SF3B2: variants seen among roughly 807,000 people sequenced by gnomAD.
SF3B2 encodes the protein SAP 145.
SF3B2 carries 22 observed loss-of-function variants against 116.3 expected under a neutral mutation model. That is an observed-to-expected ratio of 0.19 (90% confidence interval 0.14 to 0.27). The LOEUF (loss-of-function observed/expected upper bound fraction) is 0.27. Ranked by LOEUF, SF3B2 falls within the 10% of genes least tolerant of loss-of-function variation. The pLI is 1.00. For missense variants in SF3B2, 767 were observed against 1,151.4 expected (o/e 0.67, Z 4.83); for synonymous variants, 406 against 421.6 (o/e 0.96, Z 0.45).
intron 9 of SF3B2, 135 bp downstream of exon 9, chr11:66,058,540 T>C (rs1857043514): frequency 1.4e-5 from 10 of 694,348 alleles, no homozygotes; most frequent in South Asian, 9.3e-5. Flanking sequence ...CTTATAGATA[T>C]TTTTCATTTA....
intron 14 of SF3B2, 36 bp downstream of exon 14, chr11:66,060,767 T>C: frequency 6.2e-7 from 1 of 1,608,038 alleles, no homozygotes. Context: ...AGGCTGGGCC[T>C]TGGGGTTGAG....
rs1383709164 is a variant in SF3B2, at chr11:66,060,744, GC to G, written c.1779+14del. 1.2e-6 allele frequency: 2 copies of G among 1,613,826 alleles called. No homozygotes were observed. The highest frequency in any genetic ancestry group is 8.5e-7 in the Non-Finnish European group (1 of 1,179,786). On this transcript the variant is annotated intron_variant, in intron 14 of 21. Transcript: ENST00000322535. ...CCTGTACTATGAGGTTCGGGAGGGG[GC>G]TGGGAGAGGTCAGGCTGGGCCTTGG...
intron 5 of SF3B2, chr11:66,055,904 T>C (rs978673187): frequency 3.0e-6 from 1 of 330,458 alleles, no homozygotes; most frequent in Non-Finnish European, 5.5e-6. Flanking sequence ...TGACCTATTA[T>C]AAAAAGAGCC....
intron 9 of SF3B2, 83 bp downstream of exon 9, chr11:66,058,488 A>G: frequency 9.6e-7 from 1 of 1,046,024 alleles, no homozygotes; most frequent in East Asian, 2.4e-5. Context: ...AGTGTTCAGT[A>G]AGTAATAGCT....
At chr11:66,063,759 A>AG in intron 19 of SF3B2, 30 bp downstream of exon 19, 1 of 1,536,890 alleles carries the variant, frequency 6.5e-7, no homozygotes, top group East Asian at 2.3e-5. Flanking sequence ...CTGAGAGGGG[A>AG]GGACCTTCAC....
At position 66,060,668 on chromosome 11, in the gene SF3B2, T is replaced by C; in HGVS notation, c.1716T>C (p.His572=). ...TTGACATCGACTACCAGAAACTGCA[T>C]GATGCCTTCTTCAAGTGGCAGACCA... ...GKIDIDYQKL[H]DAFFKWQTKP... is the part of the protein sequence containing the mutation. The change falls in exon 14 of 22, where the codon CAT becomes CAC. Residue 572 remains histidine, a synonymous_variant. Transcript: ENST00000322535. 1 of 1,614,216 alleles carries C rather than the reference T, an allele frequency of 6.2e-7. No homozygotes were observed. Among genetic ancestry groups the C allele is most frequent in the Non-Finnish European group, 8.5e-7 (1 of 1,180,034 alleles).
intron 1 of SF3B2, 29 bp from the exon 2 acceptor site, chr11:66,052,643 GC>G: frequency 6.3e-7 from 1 of 1,597,822 alleles, no homozygotes; most frequent in Non-Finnish European, 8.5e-7. Context: ...GGGCTGGCCT[GC>G]CCCATTGATC....
chr11:66,057,343 C>A lies in SF3B2; in HGVS notation c.745C>A (p.Pro249Thr). ...AGCCCCTGTTCCCCGGCCTCGTGGT[C>A]CCCCACCGCCCCCTGGAGATGAGAA... ...MGAPVPRPRGPPPPPGDENRE... is the reference protein window; with the variant it reads ...MGAPVPRPRGTPPPPGDENRE... The change falls in exon 7 of 22, where the codon CCC (proline) becomes ACC (threonine). Residue 249 changes from proline (P) to threonine (T), a missense_variant. Pro to Thr is a conservative substitution (Grantham distance 38). Around this residue, in one of 4 missense-constraint regions of SF3B2, gnomAD observed 455 missense variants for 537.5 expected, o/e 0.85. Transcript: ENST00000322535. 1 of 1,525,910 alleles carries A rather than the reference C, an allele frequency of 6.6e-7. No homozygotes were observed. The highest frequency in any genetic ancestry group is 9.1e-7 in the Non-Finnish European group (1 of 1,099,242). The allele number at this position is 1,525,910 out of a possible 1,614,324, so 94.5% of individuals were successfully genotyped here. A position where few individuals can be genotyped will look rare whatever the true frequency, so the allele number is the denominator to read the frequency against.
Position 66,060,667 on chromosome 11 carries a change from A to T in SF3B2, c.1715A>T (p.His572Leu). Residue 572 changes from histidine to leucine, a missense_variant, in exon 14 of 22, where the codon CAT becomes CTT. By Grantham distance (99) the His-to-Leu change is moderately conservative. Transcript: ENST00000322535. ...GKIDIDYQKL[H>L]DAFFKWQTKP... ...ATTGACATCGACTACCAGAAACTGC[A>T]TGATGCCTTCTTCAAGTGGCAGACC... 6.2e-7 allele frequency: 1 copy of T among 1,614,248 alleles called. No homozygotes were observed. The highest frequency in any genetic ancestry group is 8.5e-7 in the Non-Finnish European group (1 of 1,180,046).
At position 66,052,663 on chromosome 11, in the gene SF3B2, T is replaced by C. The variant is rs1856902730; in HGVS notation, c.134-10T>C. On this transcript the variant is annotated splice_polypyrimidine_tract_variant and intron_variant, in intron 1 of 21. Coordinates refer to ENST00000322535, the MANE Select transcript of SF3B2 (RefSeq NM_006842.3). The stretch of plus-strand genomic sequence containing the variant: ...GGCCTGCCCCATTGATCGTGTACTT[T>C]GCCCTGCAGGTAATCGCGAGGAGCT... The C allele has an allele frequency of 6.3e-7, 1 of 1,596,308 alleles. No individual in the cohort carries two copies. Among genetic ancestry groups the C allele is most frequent in the African/African-American group, 1.4e-5 (1 of 74,032 alleles).
chr11:66,055,445 T>C, intron 4 of SF3B2, 90 bp from the exon 5 acceptor site: 1 of 1,596,724 alleles, frequency 6.3e-7, no homozygotes, highest in Non-Finnish European at 8.6e-7. Flanking sequence ...ACATGGGCCC[T>C]TGACTGGAAG....
At position 66,056,152 on chromosome 11, in the gene SF3B2, A is replaced by G. The variant is rs1856989704; in HGVS notation, c.549+567A>G. ...TGCCGTGGCTCACACCTGTAATCCTAGCACTTTGGGAGGCTGAGGTGGGTG... is the reference window on the plus strand; with the variant it reads ...TGCCGTGGCTCACACCTGTAATCCTGGCACTTTGGGAGGCTGAGGTGGGTG... On this transcript the variant is annotated intron_variant, in intron 5 of 21. Coordinates refer to ENST00000322535, the MANE Select transcript of SF3B2 (RefSeq NM_006842.3). Among the ~76,000 whole-genome samples, 6 of 152,304 alleles carry G rather than the reference A, an allele frequency of 3.9e-5. 1 individual carries two copies. Among genetic ancestry groups the G allele is most frequent in the African/African-American group, 1.2e-4 (5 of 41,564 alleles).
At chr11:66,063,214 A>G (rs113335681) in intron 17 of SF3B2, 98 bp downstream of exon 17, 1 of 1,074,920 alleles carries the variant, frequency 9.3e-7, no homozygotes, top group Non-Finnish European at 1.4e-6. Flanking sequence ...GTGTTCTGAC[A>G]CAGCAGAGCC....
rs765428284 is a variant in SF3B2 at position 66,059,823 on chromosome 11, A to G, written c.1443A>G (p.Thr481=). The G allele has an allele frequency of 9.9e-6, 16 of 1,614,194 alleles. No individual in the cohort carries two copies. Among genetic ancestry groups the G allele is most frequent in the Non-Finnish European group, 1.3e-5 (15 of 1,180,032 alleles). The change falls in exon 13 of 22, where the codon ACA becomes ACG. Residue 481 remains threonine, a synonymous_variant. Coordinates refer to ENST00000322535, the MANE Select transcript of SF3B2 (RefSeq NM_006842.3). This position sits in a 1 kb window ranked among gnomAD's most constrained non-coding sequence, Gnocchi z 5.0. ...RPDVVEMHDV[T]AQDPKLLVHL... ...ATGTCGTGGAGATGCACGATGTGAC[A>G]GCGCAGGACCCTAAGCTCTTGGTTC...
chr11:66,055,375 C>A, intron 4 of SF3B2, 60 bp downstream of exon 4: 1 of 1,591,242 alleles, frequency 6.3e-7, no homozygotes, highest in South Asian at 1.1e-5. Context: ...GCAGTGGAGC[C>A]TTAGAGAAAG....
chr11:66,060,265 A>C (rs1442009305), intron 13 of SF3B2, among the ~76,000 whole-genome samples: 1 of 152,200 alleles, frequency 6.6e-6, no homozygotes, highest in Non-Finnish European at 1.5e-5. Flanking sequence ...TAAAGCTTTT[A>C]GTTAAATGCT....
chr11:66,068,286 AAGG>A lies in SF3B2; in HGVS notation c.2574_2576del (p.Glu858del). 1 of 1,613,840 alleles carries A rather than the reference AAGG, an allele frequency of 6.2e-7. No individual in the cohort carries two copies. Among genetic ancestry groups the A allele is most frequent in the Non-Finnish European group, 8.5e-7 (1 of 1,179,990 alleles). On this transcript the variant is annotated inframe_deletion, in exon 21 of 22. Coordinates refer to ENST00000322535, the MANE Select transcript of SF3B2 (RefSeq NM_006842.3). ...GCGGGAGCAGCAGGCTCAAGTAGAG[AAGG>A]AGGACTTCAGTGACATGGTGGCTGA... is the stretch of plus-strand genomic sequence containing the variant.
In SF3B2 at chr11:66,057,329, C is replaced by T. The variant is rs1262516364; in HGVS notation, c.731C>T (p.Pro244Leu). The change falls in exon 7 of 22, where the codon CCC becomes CTC. Residue 244 changes from proline to leucine, a missense_variant. This residue lies in a region of SF3B2 where 455 missense variants were observed against 537.5 expected (regional missense o/e 0.85). Coordinates refer to ENST00000322535, the MANE Select transcript of SF3B2 (RefSeq NM_006842.3). ...GTTTTGCCCATGGGAGCCCCTGTTC[C>T]CCGGCCTCGTGGTCCCCCACCGCCC... ...PTVLPMGAPV[P>L]RPRGPPPPPG... 1.9e-6 allele frequency: 3 copies of T among 1,606,016 alleles called. No homozygotes were observed. Among genetic ancestry groups the T allele is most frequent in the Non-Finnish European group, 2.6e-6 (3 of 1,172,608 alleles).
At position 66,058,818 on chromosome 11, in the gene SF3B2, T is replaced by C; in HGVS notation, c.967-12T>C. 1 of 1,603,164 alleles carries C rather than the reference T, an allele frequency of 6.2e-7. No individual in the cohort carries two copies. The highest frequency in any genetic ancestry group is 8.5e-7 in the Non-Finnish European group (1 of 1,175,370). ...GATTCCCTGACCCAGCTGGTTTTCC[T>C]CCTCTTGACAGAAAAACCGGAAGCG... On this transcript the variant is annotated splice_polypyrimidine_tract_variant and intron_variant, in intron 9 of 21. Coordinates refer to ENST00000322535, the MANE Select transcript of SF3B2 (RefSeq NM_006842.3).
Sources: gnomAD v4.1 joint callset for allele counts (sites outside exome capture counted in the v4.1 genomes callset) on GRCh38, gnomAD v4.1.1 for gene constraint, gnomAD v4.1.1 regional missense constraint, Gnocchi (gnomAD v3.1) non-coding constraint, MANE v1.5 for transcripts, NCBI Gene and HGNC (gene_info 2026-07-23, HGNC 2026-07-21) for gene names.